Variants in GSKIP observed in about 807,000 individuals in gnomAD.
GSKIP encodes GSK3B interacting protein.
Under a neutral mutation model 11.9 loss-of-function variants are expected in GSKIP, and 5 were observed. That is an observed-to-expected ratio of 0.42 (90% CI 0.22 to 0.89). GSKIP has a LOEUF of 0.89. Among genes scored for constraint, GSKIP ranks in the 40% least tolerant of loss-of-function variants. The pLI, the probability that GSKIP is intolerant of heterozygous loss-of-function variation, is 0.29. For missense variants in GSKIP, 150 were observed against 166.6 expected (o/e 0.90, Z 0.55); for synonymous variants, 70 against 62.9 (o/e 1.11, Z -0.54).
intron 1 of GSKIP, among the ~76,000 whole-genome samples, chr14:96,374,635 G>A (rs569446189): frequency 1.2e-4 from 19 of 152,222 alleles, no homozygotes; most frequent in Middle Eastern, 3.4e-3. Flanking sequence ...CCAAATAGCC[G>A]GGACTGCAGG....
chr14:96,369,881 T>C (rs773950614), intron 1 of GSKIP, among the ~76,000 whole-genome samples: 10 of 152,086 alleles, frequency 6.6e-5, no homozygotes, highest in Non-Finnish European at 1.0e-4. Context: ...ACCACAGAAT[T>C]GCACAGCCAC....
intron 1 of GSKIP, among the ~76,000 whole-genome samples, chr14:96,371,194 AC>A (rs952550599): frequency 6.6e-6 from 1 of 152,162 alleles, no homozygotes; most frequent in Non-Finnish European, 1.5e-5. Context: ...ATTCATCTTT[AC>A]TTTCAAAACA....
At position 96,385,531 on chromosome 14, in the gene GSKIP, C is replaced by T; in HGVS notation, c.267C>T (p.Gly89=). The T allele has an allele frequency of 6.2e-7, 1 of 1,608,036 alleles. No homozygotes were observed. The highest frequency in any genetic ancestry group is 1.1e-5 in the South Asian group (1 of 90,482). ...ELTEAGLKVV[G]YAFDQVDDHL... ...TTGCATTTCTCTTGTAGGTGGTAGG[C>T]TATGCTTTTGACCAGGTAGATGATC... The change falls in exon 4 of 4, where the codon GGC becomes GGT. Residue 89 remains glycine (G), a synonymous_variant. Coordinates refer to ENST00000555181, the MANE Select transcript of GSKIP (RefSeq NM_016472.5).
chr14:96,366,190 A>C (rs1261909565), intron 1 of GSKIP, among the ~76,000 whole-genome samples: 1 of 152,114 alleles, frequency 6.6e-6, no homozygotes, highest in Non-Finnish European at 1.5e-5. Flanking sequence ...GGGATCTTGC[A>C]AGAAATTAGA....
Position 96,387,219 on chromosome 14 carries a change from A to G in GSKIP, c.*1535A>G, listed in dbSNP as rs1361451373. The G allele has an allele frequency of 6.6e-6, 1 of 152,244 alleles. No individual in the cohort carries two copies. Among genetic ancestry groups the G allele is most frequent in the Non-Finnish European group, 1.5e-5 (1 of 68,040 alleles). 9.4% of individuals were successfully genotyped at this position (152,244 alleles called of 1,614,324 possible). A position where few individuals can be genotyped will look rare whatever the true frequency, so the allele number is the denominator to read the frequency against. ...AAATTCTGTTTACTCATTTTGAGTT[A>G]GTATGAAAAAAAGTGATTGTATGTT... is the stretch of plus-strand genomic sequence containing the variant. On this transcript the variant is annotated 3_prime_UTR_variant, in exon 4 of 4. Transcript: ENST00000555181.
In GSKIP at chr14:96,375,741, T is replaced by C. The variant is rs181808444; in HGVS notation, c.-102-3947T>C. The stretch of plus-strand genomic sequence containing the variant: ...GCCACCACGCCCGGCTTGAAATTTA[T>C]TTCTTATAGTAATGGAGGCTGAGAA... On this transcript the variant is annotated intron_variant, in intron 1 of 3. Transcript: ENST00000555181. Among the ~76,000 whole-genome samples, 5 of 152,306 alleles carry C rather than the reference T, an allele frequency of 3.3e-5. No individual in the cohort carries two copies. The East Asian group carries it at 7.7e-4, about 24-fold the overall frequency.
Position 96,382,416 on chromosome 14 carries a change from C to G in GSKIP, c.169C>G (p.Leu57Val), listed in dbSNP as rs1889371513. ...TAACAACATGTTTGTCTCGAAAAGC[C>G]TGCGGTGTGCGGATGATGTGGCCTA... ...AVNNMFVSKS[L>V]RCADDVAYIN... Residue 57 changes from leucine (L) to valine (V), a missense_variant, in exon 3 of 4, where the codon CTG (leucine) becomes GTG (valine). Coordinates refer to ENST00000555181, the MANE Select transcript of GSKIP (RefSeq NM_016472.5). The G allele has an allele frequency of 1.2e-6, 2 of 1,613,522 alleles. No individual in the cohort carries two copies. Among genetic ancestry groups the G allele is most frequent in the African/African-American group, 1.3e-5 (1 of 74,854 alleles).
chr14:96,366,473 T>C (rs533523023), intron 1 of GSKIP, among the ~76,000 whole-genome samples: 162 of 152,370 alleles, frequency 1.1e-3, no homozygotes, highest in African/African-American at 3.7e-3. Context: ...GGACCTGTCA[T>C]TATGATATCT....
rs1888918357 is a variant in GSKIP at position 96,367,450 on chromosome 14, A to G, written c.-103+3882A>G. ...AAGGTAATCATGATTAAGATATCGTATCCTGCCCTCAGCTGACTGTTAACA... is the reference window on the plus strand; with the variant it reads ...AAGGTAATCATGATTAAGATATCGTGTCCTGCCCTCAGCTGACTGTTAACA... On this transcript the variant is annotated intron_variant, in intron 1 of 3. Coordinates refer to ENST00000555181, the MANE Select transcript of GSKIP (RefSeq NM_016472.5). Among the ~76,000 whole-genome samples, 7 of 152,310 alleles carry G rather than the reference A, an allele frequency of 4.6e-5. No homozygotes were observed. The South Asian group carries it at 1.4e-3, about 32-fold the overall frequency.
intron 1 of GSKIP, among the ~76,000 whole-genome samples, chr14:96,377,781 T>C (rs1889241232): frequency 6.6e-6 from 1 of 152,198 alleles, no homozygotes; most frequent in Non-Finnish European, 1.5e-5. Context: ...TGAGAGAGCA[T>C]CTGATTAGCT....
At chr14:96,375,434 CTCTT>C (rs1566743917) in intron 1 of GSKIP, among the ~76,000 whole-genome samples, 5 of 115,606 alleles carry the variant, frequency 4.3e-5, no homozygotes, top group East Asian at 2.2e-4. Context: ...TTCTTTTTCT[CTCTT>C]TTTTTTTTTT....
chr14:96,366,361 C>T (rs554979808), intron 1 of GSKIP, among the ~76,000 whole-genome samples: 2 of 152,266 alleles, frequency 1.3e-5, no homozygotes, highest in South Asian at 2.1e-4. Context: ...AAAATTAAAA[C>T]GACGGTTTTG....
chr14:96,364,558 G>A (rs1354048250), intron 1 of GSKIP: 2 of 152,198 alleles, frequency 1.3e-5, no homozygotes, highest in South Asian at 2.1e-4. Flanking sequence ...TTGGTAGATG[G>A]AGAAACATCT....
At chr14:96,378,963 T>C (rs796708897) in intron 1 of GSKIP, 6 of 152,424 alleles carry the variant, frequency 3.9e-5, no homozygotes, top group African/African-American at 1.4e-4. Flanking sequence ...AGTGGCCCCA[T>C]CTCAACATGG....
intron 2 of GSKIP, 74 bp downstream of exon 2, chr14:96,379,862 C>G (rs1437598268): frequency 6.6e-6 from 1 of 152,078 alleles, no homozygotes; most frequent in Non-Finnish European, 1.5e-5. Flanking sequence ...ATATAAACAT[C>G]TTTTTATGTA....
intron 1 of GSKIP, among the ~76,000 whole-genome samples, chr14:96,372,657 A>G (rs2139933022): frequency 6.6e-6 from 1 of 152,368 alleles, no homozygotes; most frequent in South Asian, 2.1e-4. Context: ...CCTGAGAAGC[A>G]TCATACAAAT....
In GSKIP at chr14:96,379,832, T is replaced by C. The variant is rs1366264041; in HGVS notation, c.-2+44T>C. ...TACACTCTTGCTTAAAAAAAAGCTTTATAAATGTAAAACTTTCTCATATAA... is the reference window on the plus strand; with the variant it reads ...TACACTCTTGCTTAAAAAAAAGCTTCATAAATGTAAAACTTTCTCATATAA... On this transcript the variant is annotated intron_variant, in intron 2 of 3. Transcript: ENST00000555181. The C allele has an allele frequency of 2.0e-5, 3 of 152,238 alleles. 1 individual carries two copies. Among genetic ancestry groups the C allele is most frequent in the Admixed American group, 6.5e-5 (1 of 15,280 alleles). The allele number at this position is 152,238 out of a possible 1,614,324, so 9.4% of individuals were successfully genotyped here.
rs1375501429 is a variant in GSKIP, at chr14:96,387,233, T to G, written c.*1549T>G. On this transcript the variant is annotated 3_prime_UTR_variant, in exon 4 of 4. Coordinates refer to ENST00000555181, the MANE Select transcript of GSKIP (RefSeq NM_016472.5). ...CATTTTGAGTTAGTATGAAAAAAAG[T>G]GATTGTATGTTTAAGAATTGAAATT... 1.3e-5 allele frequency: 2 copies of G among 152,224 alleles called. No individual in the cohort carries two copies. The highest frequency in any genetic ancestry group is 1.5e-5 in the Non-Finnish European group (1 of 68,036). The allele number at this position is 152,224 out of a possible 1,614,324, so 9.4% of individuals were successfully genotyped here.
rs546214801 is a variant in GSKIP at position 96,363,543 on chromosome 14, GGAA to G, written c.-122_-120del. ...TCGGCTCCAGTCGCCTCCGGAGGAAGGAAGAAGAGGACGCCGGGCGCGCAGGTG... is the reference window on the plus strand; with the variant it reads ...TCGGCTCCAGTCGCCTCCGGAGGAAGGAAGAGGACGCCGGGCGCGCAGGTG... On this transcript the variant is annotated 5_prime_UTR_variant, in exon 1 of 4. Transcript: ENST00000555181. The G allele has an allele frequency of 8.0e-3, 1,227 of 153,132 alleles. 8 individuals carry two copies. The highest frequency in any genetic ancestry group is 0.013 in the Non-Finnish European group (857 of 68,456). The allele number at this position is 153,132 out of a possible 1,614,324, so 9.5% of individuals were successfully genotyped here.
Sources: allele counts gnomAD v4.1 joint callset (sites outside exome capture counted in the v4.1 genomes callset), GRCh38; gene constraint gnomAD v4.1.1; transcripts MANE v1.5; gene names NCBI Gene and HGNC (gene_info 2026-07-23, HGNC 2026-07-21).